The following TBC1D22B variants were observed in gnomAD, a reference collection of about 807,000 sequenced individuals.
TBC1D22B encodes TBC1 domain family member 22B.
A neutral mutation model predicts 69.1 loss-of-function variants in TBC1D22B; 32 were observed. The observed-to-expected ratio is 0.46, with a 90% CI of 0.35 to 0.62. The LOEUF (loss-of-function observed/expected upper bound fraction) is 0.62. Ranked by LOEUF, TBC1D22B falls within the 20% of genes least tolerant of loss-of-function variation. TBC1D22B has a pLI of 0.00. For synonymous variants in TBC1D22B, 206 were observed against 229.8 expected, an observed-to-expected ratio of 0.90 and a Z score of 0.94; for missense variants, 462 against 630.9, an observed-to-expected ratio of 0.73 and a Z score of 2.87.
At chr6:37,260,513 T>A (rs150084149) in intron 1 of TBC1D22B, among the ~76,000 whole-genome samples, 1,838 of 152,328 alleles carry the variant, frequency 0.012, 32 homozygotes, top group Middle Eastern at 0.044. Flanking sequence ...TTCACTCTTT[T>A]AAAGTGTACA....
At chr6:37,323,307 C>T (rs1049109999) in intron 12 of TBC1D22B, among the ~76,000 whole-genome samples, 9 of 152,198 alleles carry the variant, frequency 5.9e-5, no homozygotes, top group African/African-American at 1.9e-4. Context: ...GCAGGAGGAT[C>T]GCTTGAGCCC....
chr6:37,290,280 C>A (rs753854893), intron 7 of TBC1D22B, among the ~76,000 whole-genome samples: 1 of 152,154 alleles, frequency 6.6e-6, no homozygotes, highest in East Asian at 1.9e-4. Context: ...CATGTACTCA[C>A]ATCACCTCTG....
At chr6:37,285,330 T>C (rs1358876399) in intron 6 of TBC1D22B, among the ~76,000 whole-genome samples, 7 of 126,038 alleles carry the variant, frequency 5.6e-5, no homozygotes, top group African/African-American at 2.2e-4. Context: ...TTTTTTTTTT[T>C]TTTTTTTTTT....
chr6:37,288,227 A>T (rs545488759), intron 7 of TBC1D22B, among the ~76,000 whole-genome samples: 1 of 152,338 alleles, frequency 6.6e-6, no homozygotes, highest in African/African-American at 2.4e-5. Context: ...TGAAGGTAAC[A>T]TCATTATTTT....
chr6:37,288,786 G>GT (rs1442309068), intron 7 of TBC1D22B, among the ~76,000 whole-genome samples: 1 of 150,832 alleles, frequency 6.6e-6, no homozygotes, highest in Admixed American at 6.6e-5. Flanking sequence ...GCTTCTTTTA[G>GT]TAGTGCATCC....
chr6:37,271,849 C>CTTTT (rs35838317), intron 2 of TBC1D22B, among the ~76,000 whole-genome samples: 3 of 120,910 alleles, frequency 2.5e-5, no homozygotes, highest in Non-Finnish European at 3.5e-5. Context: ...AAGGTGCATG[C>CTTTT]TTTTTTTTTT....
In TBC1D22B at chr6:37,283,646, C is replaced by T. The variant is rs1055386807; in HGVS notation, c.673-690C>T. ...ACTCTTGCAACCATGCAATCATTGCCTCTGCCACTTCTAATAAGTTTGAAT... is the reference window on the plus strand; with the variant it reads ...ACTCTTGCAACCATGCAATCATTGCTTCTGCCACTTCTAATAAGTTTGAAT... On this transcript the variant is annotated intron_variant, in intron 5 of 12. Transcript: ENST00000373491. Among the ~76,000 whole-genome samples, 3 of 152,340 alleles carry T rather than the reference C, an allele frequency of 2.0e-5. No homozygotes were observed. In the South Asian group the frequency reaches 6.2e-4, roughly 32 times the overall value.
chr6:37,298,788 G>T (rs200201450), intron 8 of TBC1D22B, among the ~76,000 whole-genome samples: 1 of 151,860 alleles, frequency 6.6e-6, no homozygotes, highest in Non-Finnish European at 1.5e-5. Flanking sequence ...CTCGTGATCC[G>T]CCCACCTCGG....
intron 12 of TBC1D22B, chr6:37,324,535 G>A (rs1768339110): frequency 3.2e-5 from 11 of 341,926 alleles, no homozygotes; most frequent in South Asian, 1.8e-4. Context: ...ATTAGTAAAC[G>A]AAGAAGTTGA....
intron 2 of TBC1D22B, among the ~76,000 whole-genome samples, chr6:37,272,917 G>A (rs1343681919): frequency 6.6e-6 from 1 of 152,164 alleles, no homozygotes; most frequent in Non-Finnish European, 1.5e-5. Context: ...GCACTTAGGG[G>A]AGGTATTAAC....
chr6:37,309,325 G>A (rs1405816972), intron 8 of TBC1D22B, among the ~76,000 whole-genome samples: 2 of 152,210 alleles, frequency 1.3e-5, no homozygotes, highest in Non-Finnish European at 2.9e-5. Context: ...GTGTGACAGC[G>A]ATGCTCCTGT....
intron 8 of TBC1D22B, among the ~76,000 whole-genome samples, chr6:37,305,051 C>T (rs191552064): frequency 1.7e-4 from 26 of 152,280 alleles, no homozygotes; most frequent in Admixed American, 1.4e-3. Context: ...TTTTGATAGT[C>T]AACACTCACA....
intron 2 of TBC1D22B, among the ~76,000 whole-genome samples, chr6:37,272,861 A>G (rs1766537871): frequency 2.0e-5 from 3 of 152,196 alleles, no homozygotes; most frequent in Admixed American, 6.5e-5. Context: ...TGCTTCTTTC[A>G]TGCTCAAGAA....
intron 1 of TBC1D22B, among the ~76,000 whole-genome samples, chr6:37,265,844 T>A (rs1181957129): frequency 6.6e-6 from 1 of 152,220 alleles, no homozygotes; most frequent in Non-Finnish European, 1.5e-5. Context: ...GGAATCAATG[T>A]GAAAGTGATT....
At chr6:37,282,630 T>C (rs150067082) in intron 4 of TBC1D22B, among the ~76,000 whole-genome samples, 56 of 150,014 alleles carry the variant, frequency 3.7e-4, no homozygotes, top group South Asian at 1.1e-3. Context: ...TGACTCTTAC[T>C]GAAATCTACA....
At chr6:37,304,903 G>A (rs1767663862) in intron 8 of TBC1D22B, among the ~76,000 whole-genome samples, 1 of 152,244 alleles carries the variant, frequency 6.6e-6, no homozygotes, top group Non-Finnish European at 1.5e-5. Context: ...GCAAGAAAGA[G>A]GGACAGGGAT....
chr6:37,294,504 G>A (rs1239571927), intron 8 of TBC1D22B, among the ~76,000 whole-genome samples: 3 of 152,160 alleles, frequency 2.0e-5, no homozygotes, highest in Non-Finnish European at 2.9e-5. Flanking sequence ...TAGCTAGAGG[G>A]GAGTAGTCAA....
intron 8 of TBC1D22B, among the ~76,000 whole-genome samples, chr6:37,309,435 G>A (rs2113776467): frequency 6.6e-6 from 1 of 152,296 alleles, no homozygotes; most frequent in Admixed American, 6.5e-5. Flanking sequence ...ATCCTAAAAT[G>A]CCCAAGTTGG....
chr6:37,262,151 C>G (rs1056041392), intron 1 of TBC1D22B, among the ~76,000 whole-genome samples: 1 of 151,398 alleles, frequency 6.6e-6, no homozygotes, highest in Non-Finnish European at 1.5e-5. Flanking sequence ...CTGCCTCAGC[C>G]TCCTGAGTAG....
Sources: allele counts gnomAD v4.1 joint callset (sites outside exome capture counted in the v4.1 genomes callset), GRCh38; gene constraint gnomAD v4.1.1; transcripts MANE v1.5; gene names NCBI Gene and HGNC (gene_info 2026-07-23, HGNC 2026-07-21).